ATP6V0A1: variants seen among roughly 807,000 people sequenced by gnomAD.
ATP6V0A1 encodes the protein V-type proton ATPase 116 kDa subunit a 1.
Under a neutral mutation model 105.4 loss-of-function variants are expected in ATP6V0A1, and 43 were observed. The observed-to-expected ratio is 0.41, with a 90% confidence interval of 0.32 to 0.53. The LOEUF (loss-of-function observed/expected upper bound fraction) is 0.53, where lower values mean the gene tolerates loss of function less well. ATP6V0A1 is among the 20% of genes least tolerant of loss of function. The pLI, the probability that ATP6V0A1 is intolerant of heterozygous loss-of-function variation, is 0.30. For synonymous variants in ATP6V0A1, 362 were observed against 372.8 expected, an observed-to-expected ratio of 0.97 and a Z score of 0.33; for missense variants, 676 against 1,051.1, an observed-to-expected ratio of 0.64 and a Z score of 4.93.
intron 1 of ATP6V0A1, among the ~76,000 whole-genome samples, 160 bp from the exon 2 acceptor site, chr17:42,460,688 A>T (rs549427269): frequency 6.6e-6 from 1 of 152,328 alleles, no homozygotes; most frequent in Admixed American, 6.5e-5. Flanking sequence ...CTGCCTTTGC[A>T]ATTTCTCCTT....
chr17:42,503,322 G>T (rs2091820593), intron 17 of ATP6V0A1, among the ~76,000 whole-genome samples: 1 of 152,188 alleles, frequency 6.6e-6, no homozygotes, highest in African/African-American at 2.4e-5. Context: ...ATCTTTTTTA[G>T]TAGTAACTTA....
At position 42,496,866 on chromosome 17, in the gene ATP6V0A1, G is replaced by T. The variant is rs561562323; in HGVS notation, c.1560+1150G>T. Among the ~76,000 whole-genome samples, 7 of 152,074 alleles carry T rather than the reference G, an allele frequency of 4.6e-5. No individual in the cohort carries two copies. In the East Asian group the frequency reaches 1.4e-3, roughly 29 times the overall value. On this transcript the variant is annotated intron_variant, in intron 14 of 21. Transcript: ENST00000343619. ...AATAGATGGAATGACAGCACCACAG[G>T]GCTACAATCAGCGAAACATAGACTG... is the stretch of plus-strand genomic sequence containing the variant.
At chr17:42,493,450 A>C (rs1350071135) in intron 11 of ATP6V0A1, among the ~76,000 whole-genome samples, 2 of 152,226 alleles carry the variant, frequency 1.3e-5, no homozygotes, top group Non-Finnish European at 2.9e-5. Context: ...GTCAGAGAAC[A>C]AACCAATGTT....
At chr17:42,467,183 A>G (rs1344427709) in intron 3 of ATP6V0A1, among the ~76,000 whole-genome samples, 1 of 151,860 alleles carries the variant, frequency 6.6e-6, no homozygotes, top group Admixed American at 6.6e-5. Context: ...CATTTATCTA[A>G]GTTCTCTTGA....
chr17:42,502,741 C>G (rs1296532524), intron 17 of ATP6V0A1: 1 of 152,642 alleles, frequency 6.6e-6, no homozygotes, highest in Non-Finnish European at 1.5e-5. Flanking sequence ...CCACTTCACT[C>G]CCTCCCTCTT....
At chr17:42,507,407 T>C in intron 17 of ATP6V0A1, 113 bp from the exon 18 acceptor site, 1 of 755,448 alleles carries the variant, frequency 1.3e-6, no homozygotes, top group Non-Finnish European at 2.2e-6. Flanking sequence ...TTTGTTTTTG[T>C]TGTTAGACAT....
intron 19 of ATP6V0A1, chr17:42,513,610 T>C (rs947210211): frequency 2.6e-5 from 12 of 460,764 alleles, no homozygotes; most frequent in Admixed American, 3.7e-5. Context: ...TAAAATGTAA[T>C]GTATTGAGGG....
intron 7 of ATP6V0A1, chr17:42,478,910 A>AT (rs746205207): frequency 1.4e-3 from 204 of 147,886 alleles, no homozygotes; most frequent in South Asian, 5.0e-3. Flanking sequence ...AAATTTGGTA[A>AT]TTTTTTTTTT....
intron 21 of ATP6V0A1, among the ~76,000 whole-genome samples, chr17:42,516,504 A>G (rs2146337114): frequency 6.6e-6 from 1 of 152,102 alleles, no homozygotes; most frequent in African/African-American, 2.4e-5. Flanking sequence ...AGCCCTCCTC[A>G]GTGCACGAGA....
At chr17:42,476,930 A>G (rs1010919359) in intron 5 of ATP6V0A1, among the ~76,000 whole-genome samples, 2 of 152,220 alleles carry the variant, frequency 1.3e-5, no homozygotes, top group Admixed American at 6.5e-5. Context: ...ATGTTTTTAC[A>G]GGCCTGCCCA....
Position 42,500,707 on chromosome 17 carries a change from C to G in ATP6V0A1, c.1680C>G (p.Ile560Met), listed in dbSNP as rs745810882. ...FGVSLSLFNH[I>M]YFKKPLNIYF... is the part of the protein sequence containing the mutation. ...ACATTTTTTTCTCTCTCCTTTTTAG[C>G]TATTTCAAGAAGCCCCTGAATATCT... The change falls in exon 16 of 22, where the codon ATC becomes ATG. Residue 560 changes from isoleucine (I) to methionine (M), a missense_variant and splice_region_variant. Ile to Met is a conservative substitution (Grantham distance 10). Around this residue, in one of 3 missense-constraint regions of ATP6V0A1, gnomAD observed 435 missense variants for 642.2 expected, o/e 0.68. Coordinates refer to ENST00000343619, the MANE Select transcript of ATP6V0A1 (RefSeq NM_001130021.3). 7.5e-6 allele frequency: 12 copies of G among 1,609,628 alleles called. No homozygotes were observed. The highest frequency in any genetic ancestry group is 9.4e-6 in the Non-Finnish European group (11 of 1,176,194).
At chr17:42,485,749 G>A (rs1400614646) in intron 9 of ATP6V0A1, among the ~76,000 whole-genome samples, 1 of 152,064 alleles carries the variant, frequency 6.6e-6, no homozygotes, top group African/African-American at 2.4e-5. Context: ...TAGAGATAGG[G>A]TCTCACTATG....
In ATP6V0A1 at chr17:42,487,449, C is replaced by T. The variant is rs541610101; in HGVS notation, c.1023+82C>T. Reference sequence around the variant, plus strand: ...TAGTAACATTAATGTCATTTTTGGCCGGGCGCGGTGGCTCATGCCTGTAAT... The same window carrying T: ...TAGTAACATTAATGTCATTTTTGGCTGGGCGCGGTGGCTCATGCCTGTAAT... On this transcript the variant is annotated intron_variant, in intron 10 of 21. Transcript: ENST00000343619. The T allele has an allele frequency of 6.4e-5, 92 of 1,438,950 alleles. 2 individuals are homozygous for T. The highest frequency in any genetic ancestry group is 5.2e-4 in the South Asian group (44 of 85,274). 89.1% of individuals were successfully genotyped at this position (1,438,950 alleles called of 1,614,324 possible).
At chr17:42,491,011 C>T (rs762351796) in intron 11 of ATP6V0A1, among the ~76,000 whole-genome samples, 7 of 152,154 alleles carry the variant, frequency 4.6e-5, no homozygotes, top group Non-Finnish European at 8.8e-5. Flanking sequence ...AGGCATGTGT[C>T]ACCATGCCTG....
At chr17:42,505,309 A>G (rs1311253920) in intron 17 of ATP6V0A1, among the ~76,000 whole-genome samples, 2 of 152,176 alleles carry the variant, frequency 1.3e-5, no homozygotes. Context: ...CAGTTCAAGC[A>G]ATTCTCCTGC....
intron 4 of ATP6V0A1, among the ~76,000 whole-genome samples, chr17:42,469,323 C>CTTTTTTTT (rs58501978): frequency 9.8e-6 from 1 of 102,332 alleles, no homozygotes; most frequent in African/African-American, 3.9e-5. Flanking sequence ...AAAGGAAAGA[C>CTTTTTTTT]TTTTTTTTTT....
At chr17:42,505,629 T>C (rs887338712) in intron 17 of ATP6V0A1, among the ~76,000 whole-genome samples, 1 of 152,116 alleles carries the variant, frequency 6.6e-6, no homozygotes, top group Non-Finnish European at 1.5e-5. Context: ...TGAGCCACTG[T>C]GCCCAGCTGA....
intron 5 of ATP6V0A1, 110 bp from the exon 6 acceptor site, chr17:42,477,550 T>A (rs2088911863): frequency 2.7e-6 from 3 of 1,095,932 alleles, no homozygotes; most frequent in Non-Finnish European, 2.6e-6. Flanking sequence ...TTCTTTTTCA[T>A]CCTTATTTTC....
intron 5 of ATP6V0A1, among the ~76,000 whole-genome samples, chr17:42,471,815 A>G (rs1030726880): frequency 1.2e-4 from 18 of 152,120 alleles, no homozygotes; most frequent in Non-Finnish European, 2.2e-4. Flanking sequence ...GGCTTCCAGA[A>G]TGCTCCCTTC....
Sources: allele counts gnomAD v4.1 joint callset (sites outside exome capture counted in the v4.1 genomes callset), GRCh38; gene constraint gnomAD v4.1.1; regional missense constraint gnomAD v4.1.1; transcripts MANE v1.5; gene names NCBI Gene and HGNC (gene_info 2026-07-23, HGNC 2026-07-21).